Variants in DARS1 observed in about 807,000 individuals in gnomAD.
The protein encoded by DARS1 is aspartyl-tRNA synthetase 1, also known as aspartate--tRNA ligase, cytoplasmic.
In DARS1, 51 loss-of-function variants were observed where a neutral mutation model predicts 68.8. The ratio of observed to expected loss-of-function variants is 0.74; its 90% CI spans 0.59 to 0.94. DARS1 has a LOEUF of 0.94. Among genes scored for constraint, DARS1 ranks in the 40% least tolerant of loss-of-function variants. The pLI is 0.00. For synonymous variants in DARS1, 203 were observed against 190.4 expected (o/e 1.07, Z -0.55); for missense variants, 607 against 597.3 (o/e 1.02, Z -0.17).
intron 3 of DARS1, among the ~76,000 whole-genome samples, chr2:135,963,684 C>CT (rs34142242): frequency 1.8e-3 from 207 of 113,430 alleles, no homozygotes; most frequent in Middle Eastern, 8.9e-3. Flanking sequence ...TTAATGACTT[C>CT]TTTTTTTTTT....
In DARS1 at chr2:135,955,673, CTTTTTTTTTTT is replaced by C. The variant is rs75123258; in HGVS notation, c.320+5712_320+5722del. Among the ~76,000 whole-genome samples the C allele has an allele frequency of 1.1e-3, 66 of 61,330 alleles. 1 individual carries two copies. The South Asian group carries it at 0.024, about 22-fold the overall frequency. The allele number at this position is 61,330 out of a possible 152,430, so 40.2% of individuals were successfully genotyped here. On this transcript the variant is annotated intron_variant, in intron 4 of 15. Coordinates refer to ENST00000264161, the MANE Select transcript of DARS1 (RefSeq NM_001349.4). Reference sequence around the variant, plus strand: ...ACCACCACCTTTTGAAAATAAAAATCTTTTTTTTTTTTTTTTTTTTTTTTTTTTTTTTAGAC... The same window carrying C: ...ACCACCACCTTTTGAAAATAAAAATCTTTTTTTTTTTTTTTTTTTTTAGAC...
chr2:135,946,190 C>T (rs1400862115), intron 4 of DARS1, among the ~76,000 whole-genome samples: 1 of 152,046 alleles, frequency 6.6e-6, no homozygotes, highest in Non-Finnish European at 1.5e-5. Context: ...TAAAATTCTA[C>T]TGACTGTAGA....
At chr2:135,914,577 C>G in intron 11 of DARS1, 66 bp from the exon 12 acceptor site, 1 of 908,766 alleles carries the variant, frequency 1.1e-6, no homozygotes, top group Non-Finnish European at 1.9e-6. Flanking sequence ...TAATAAGGAA[C>G]TTCTTCTATT....
chr2:135,914,763 T>G, intron 11 of DARS1: 1 of 334,826 alleles, frequency 3.0e-6, no homozygotes, highest in South Asian at 7.1e-5. Flanking sequence ...AATATAGCAA[T>G]TCATTGATTC....
intron 15 of DARS1, among the ~76,000 whole-genome samples, chr2:135,910,507 A>T (rs971681134): frequency 2.0e-5 from 3 of 152,118 alleles, no homozygotes; most frequent in African/African-American, 7.2e-5. Context: ...ATTTTTGTAT[A>T]TGATGTTAGG....
At chr2:135,970,354 A>T (rs532210367) in intron 3 of DARS1, among the ~76,000 whole-genome samples, 1 of 152,034 alleles carries the variant, frequency 6.6e-6, no homozygotes, top group African/African-American at 2.4e-5. Flanking sequence ...AAACTATATA[A>T]ACACATGGAA....
intron 3 of DARS1, among the ~76,000 whole-genome samples, chr2:135,974,481 G>A (rs1198887500): frequency 6.6e-6 from 1 of 152,120 alleles, no homozygotes; most frequent in Non-Finnish European, 1.5e-5. Flanking sequence ...TATTTTGAAG[G>A]GAAGAAATGC....
At chr2:135,977,330 C>T (rs1262364704) in intron 3 of DARS1, among the ~76,000 whole-genome samples, 3 of 152,202 alleles carry the variant, frequency 2.0e-5, no homozygotes, top group Admixed American at 2.0e-4. Context: ...TTCAAACACA[C>T]ATCTGTCTCA....
chr2:135,954,586 C>T (rs905393533), intron 4 of DARS1, among the ~76,000 whole-genome samples: 5 of 152,016 alleles, frequency 3.3e-5, no homozygotes, highest in African/African-American at 1.2e-4. Flanking sequence ...GGTACAGGGA[C>T]TAACAGAGAA....
chr2:135,943,617 T>A, intron 4 of DARS1, 137 bp from the exon 5 acceptor site: 1 of 1,340,738 alleles, frequency 7.5e-7, no homozygotes, highest in African/African-American at 1.5e-5. Flanking sequence ...CCAGTCTATT[T>A]AACCTACTTA....
Position 135,968,860 on chromosome 2 carries a change from C to T in DARS1, c.218-7362G>A, listed in dbSNP as rs188040183. ...TATTTTTAGTAGAGATGGGGTTTTA[C>T]CATGTTGGCCAGGCTGGTCTTGAAC... On this transcript the variant is annotated intron_variant, in intron 3 of 15. Coordinates refer to ENST00000264161, the MANE Select transcript of DARS1 (RefSeq NM_001349.4). Among the ~76,000 whole-genome samples the T allele has an allele frequency of 1.2e-3, 183 of 152,070 alleles. 2 individuals are homozygous for T. The East Asian group carries it at 0.029, about 24-fold the overall frequency.
At chr2:135,924,916 C>T (rs75667274) in intron 7 of DARS1, among the ~76,000 whole-genome samples, 21,517 of 151,916 alleles carry the variant, frequency 0.14, 2,003 homozygotes, top group Middle Eastern at 0.37. Context: ...TGAATAAAAA[C>T]CATGTATTTT....
chr2:135,915,205 C>T (rs309170), intron 11 of DARS1, among the ~76,000 whole-genome samples: 37,537 of 151,908 alleles, frequency 0.25, 5,572 homozygotes, highest in Middle Eastern at 0.41. Context: ...CCTAAATACA[C>T]ATGTATTGTG....
chr2:135,965,579 T>G (rs1211020211), intron 3 of DARS1, among the ~76,000 whole-genome samples: 2 of 152,204 alleles, frequency 1.3e-5, no homozygotes, highest in Non-Finnish European at 2.9e-5. Context: ...GAATTATTAC[T>G]CAATGCTTGG....
At chr2:135,975,294 G>T (rs2104845776) in intron 3 of DARS1, among the ~76,000 whole-genome samples, 1 of 152,208 alleles carries the variant, frequency 6.6e-6, no homozygotes, top group Admixed American at 6.5e-5. Context: ...GCAGTGAGCG[G>T]AGACTGTGCC....
intron 4 of DARS1, among the ~76,000 whole-genome samples, chr2:135,955,813 G>A (rs959385548): frequency 2.1e-4 from 31 of 148,534 alleles, no homozygotes; most frequent in African/African-American, 7.7e-4. Context: ...ACACCACCAT[G>A]CCTGGCTAAT....
At chr2:135,979,448 C>G (rs1039000953) in intron 2 of DARS1, 82 bp from the exon 3 acceptor site, 5 of 752,356 alleles carry the variant, frequency 6.6e-6, no homozygotes, top group Non-Finnish European at 1.2e-5. Flanking sequence ...TTATTTTTGA[C>G]AGCTAGCATA....
At chr2:135,983,307 A>G (rs1682679969) in intron 2 of DARS1, 90 bp downstream of exon 2, 3 of 723,398 alleles carry the variant, frequency 4.1e-6, no homozygotes, top group Non-Finnish European at 7.2e-6. Flanking sequence ...ATACCTTCAG[A>G]TTTATGCCAA....
intron 5 of DARS1, among the ~76,000 whole-genome samples, chr2:135,938,750 T>C (rs938503343): frequency 6.6e-6 from 1 of 152,172 alleles, no homozygotes. Flanking sequence ...ATCAGTGTGC[T>C]GTATTCAGCA....
Sources: gnomAD v4.1 joint callset for allele counts (sites outside exome capture counted in the v4.1 genomes callset) on GRCh38, gnomAD v4.1.1 for gene constraint, MANE v1.5 for transcripts, NCBI Gene and HGNC (gene_info 2026-07-23, HGNC 2026-07-21) for gene names.